RARB: variants seen among roughly 807,000 people sequenced by gnomAD.
RARB encodes retinoic acid receptor beta, also known as HBV-activated protein.
RARB carries 17 observed loss-of-function variants against 51.9 expected under a neutral mutation model. The observed-to-expected ratio is 0.33, with a 90% CI of 0.22 to 0.49. The LOEUF (loss-of-function observed/expected upper bound fraction) is 0.49. Ranked by LOEUF, RARB falls within the 20% of genes least tolerant of loss-of-function variation. The pLI is 0.99. For synonymous variants in RARB, 215 were observed against 195.4 expected, an observed-to-expected ratio of 1.10 and a Z score of -0.84; for missense variants, 369 against 550.8, an observed-to-expected ratio of 0.67 and a Z score of 3.30.
intron 2 of RARB, among the ~76,000 whole-genome samples, chr3:24,938,164 G>C (rs1695584701): frequency 1.3e-5 from 2 of 152,124 alleles, no homozygotes; most frequent in African/African-American, 2.4e-5. Context: ...AAAGAAGGGA[G>C]TGTAAGGTAA....
intron 2 of RARB, among the ~76,000 whole-genome samples, chr3:25,008,148 A>G (rs982766930): frequency 3.9e-5 from 6 of 152,094 alleles, no homozygotes; most frequent in Admixed American, 1.3e-4. Context: ...CTACAAGCTG[A>G]TGTCTGACTC....
At chr3:25,108,378 T>A (rs982739888) in intron 3 of RARB, among the ~76,000 whole-genome samples, 2 of 152,220 alleles carry the variant, frequency 1.3e-5, no homozygotes, top group African/African-American at 4.8e-5. Context: ...CAGGTAGTTA[T>A]CTTTCAAAGG....
At chr3:25,464,439 A>T (rs1002969183) in intron 2 of RARB, among the ~76,000 whole-genome samples, 6 of 152,172 alleles carry the variant, frequency 3.9e-5, no homozygotes, top group African/African-American at 1.4e-4. Context: ...TATCTTTTTA[A>T]CAGAGCTATA....
intron 5 of RARB, among the ~76,000 whole-genome samples, chr3:25,209,224 G>A (rs190900567): frequency 6.6e-6 from 1 of 152,200 alleles, no homozygotes; most frequent in Non-Finnish European, 1.5e-5. Flanking sequence ...ACTGAGTCAG[G>A]TTAGTCATGC....
At chr3:25,293,593 C>A (rs1703840645) in intron 5 of RARB, among the ~76,000 whole-genome samples, 1 of 28,064 alleles carries the variant, frequency 3.6e-5, no homozygotes, top group Non-Finnish European at 1.0e-4. Flanking sequence ...AGAGTTACTC[C>A]ATTTAAAAAA....
chr3:25,372,384 C>T (rs1575351000), intron 5 of RARB, among the ~76,000 whole-genome samples: 2 of 152,304 alleles, frequency 1.3e-5, no homozygotes, highest in East Asian at 3.9e-4. Context: ...ATCACTCCCA[C>T]ATGAAAACCA....
chr3:24,940,114 A>G (rs552620079), intron 2 of RARB, among the ~76,000 whole-genome samples: 1 of 152,338 alleles, frequency 6.6e-6, no homozygotes, highest in African/African-American at 2.4e-5. Context: ...TAGAAAAGAA[A>G]TGTCATTGTT....
intron 1 of RARB, among the ~76,000 whole-genome samples, chr3:25,438,260 C>G (rs556255487): frequency 6.6e-6 from 1 of 152,182 alleles, no homozygotes; most frequent in Non-Finnish European, 1.5e-5. Flanking sequence ...CCTCTTAAAA[C>G]CTAGACCCAG....
At chr3:24,957,786 G>C (rs974430537) in intron 2 of RARB, among the ~76,000 whole-genome samples, 3 of 152,138 alleles carry the variant, frequency 2.0e-5, no homozygotes, top group Non-Finnish European at 4.4e-5. Flanking sequence ...GATGCAGGCA[G>C]AGTTAGATCC....
intron 3 of RARB, among the ~76,000 whole-genome samples, chr3:25,086,800 G>A (rs935713690): frequency 2.0e-5 from 3 of 152,136 alleles, no homozygotes; most frequent in East Asian, 3.9e-4. Flanking sequence ...TTGATAGAAG[G>A]GAGTATCTGG....
intron 3 of RARB, among the ~76,000 whole-genome samples, chr3:25,077,723 T>A (rs1328033173): frequency 6.6e-6 from 1 of 152,178 alleles, no homozygotes; most frequent in Non-Finnish European, 1.5e-5. Context: ...TGTGTGTATG[T>A]GTGTATGTAT....
At chr3:25,102,770 T>C (rs984934787) in intron 3 of RARB, among the ~76,000 whole-genome samples, 3 of 151,586 alleles carry the variant, frequency 2.0e-5, no homozygotes, top group African/African-American at 7.3e-5. Context: ...AACTGCTTCA[T>C]GCTGGGCGCT....
At chr3:25,267,779 C>T (rs1011813856) in intron 5 of RARB, among the ~76,000 whole-genome samples, 1 of 152,066 alleles carries the variant, frequency 6.6e-6, no homozygotes, top group Non-Finnish European at 1.5e-5. Context: ...TATGGTTACT[C>T]CAGTATTTGG....
At chr3:25,109,084 A>T (rs921723441) in intron 3 of RARB, among the ~76,000 whole-genome samples, 1 of 152,238 alleles carries the variant, frequency 6.6e-6, no homozygotes, top group East Asian at 1.9e-4. Context: ...TAAAATGCAG[A>T]TAACAATAGC....
chr3:24,960,574 G>A (rs9866647), intron 2 of RARB, among the ~76,000 whole-genome samples: 69,612 of 151,984 alleles, frequency 0.46, 16,492 homozygotes, highest in East Asian at 0.61. Context: ...AATGTGGAAA[G>A]TGGAAAATTG....
rs75685363 is a variant in RARB, at chr3:25,181,420, C to A, written c.178+6845C>A. On this transcript the variant is annotated intron_variant, in intron 5 of 11. Coordinates refer to the RARB transcript ENST00000383772. ...AGTAGAGAAACCCATTTCATCTTTGCGGAATGATTGAATCAATGGTTTTTG... is the reference window on the plus strand; with the variant it reads ...AGTAGAGAAACCCATTTCATCTTTGAGGAATGATTGAATCAATGGTTTTTG... Among the ~76,000 whole-genome samples, 354 of 152,198 alleles carry A rather than the reference C, an allele frequency of 2.3e-3. 2 individuals are homozygous for A. The highest frequency in any genetic ancestry group is 0.02 in the East Asian group (104 of 5,176).
At chr3:24,967,479 C>G (rs1168882043) in intron 2 of RARB, among the ~76,000 whole-genome samples, 1 of 152,138 alleles carries the variant, frequency 6.6e-6, no homozygotes, top group African/African-American at 2.4e-5. Context: ...CCAGTTCCTT[C>G]CCTCTTCATC....
At chr3:25,380,765 T>G (rs1327931281) in intron 5 of RARB, among the ~76,000 whole-genome samples, 1 of 152,206 alleles carries the variant, frequency 6.6e-6, no homozygotes, top group East Asian at 1.9e-4. Context: ...GTAGCATCTT[T>G]CGTCTCCCTC....
At chr3:25,367,272 C>T (rs948342061) in intron 5 of RARB, among the ~76,000 whole-genome samples, 1 of 152,138 alleles carries the variant, frequency 6.6e-6, no homozygotes, top group Admixed American at 6.5e-5. Flanking sequence ...TGAGCAATCT[C>T]CTCTGGCACC....
Sources: gnomAD v4.1 joint callset for allele counts (sites outside exome capture counted in the v4.1 genomes callset) on GRCh38, gnomAD v4.1.1 for gene constraint, MANE v1.5 for transcripts, NCBI Gene and HGNC (gene_info 2026-07-23, HGNC 2026-07-21) for gene names.